The following PPP1R26 variants were observed in gnomAD, a reference collection of about 807,000 sequenced individuals.
PPP1R26 encodes the protein 1A6/DRIM (down-regulated in metastasis) interacting protein.
Under a neutral mutation model 67.6 loss-of-function variants are expected in PPP1R26, and 22 were observed. The ratio of observed to expected loss-of-function variants is 0.33; its 90% CI spans 0.23 to 0.46. The LOEUF (loss-of-function observed/expected upper bound fraction) is 0.46. PPP1R26 is among the 20% of genes least tolerant of loss of function. The pLI, the probability that PPP1R26 is intolerant of heterozygous loss-of-function variation, is 1.00. For synonymous variants in PPP1R26, 729 were observed against 717.2 expected (o/e 1.02, Z -0.26); for missense variants, 1,602 against 1,651.4 (o/e 0.97, Z 0.52).
At position 135,486,535 on chromosome 9, in the gene PPP1R26, C is replaced by T. The variant is rs766448812; in HGVS notation, c.2025C>T (p.Asp675=). The T allele has an allele frequency of 2.9e-5, 47 of 1,612,272 alleles. No individual in the cohort carries two copies. Among genetic ancestry groups the T allele is most frequent in the South Asian group, 7.7e-5 (7 of 91,018 alleles). ...AGACAGACGAGGCAAGGCGCCTAGA[C>T]GAGAAAGAGAGCTCTGAAGACAAAA... ...QGKTDEARRL[D]EKESSEDKSS... The change falls in exon 4 of 4, where the codon GAC becomes GAT. Residue 675 remains aspartate, a synonymous_variant. Coordinates refer to ENST00000356818, the MANE Select transcript of PPP1R26 (RefSeq NM_014811.5). The surrounding 1 kb of genome is among the most constrained non-coding windows in gnomAD (Gnocchi z 6.2).
In PPP1R26 at chr9:135,487,203, T is replaced by C; in HGVS notation, c.2693T>C (p.Val898Ala). 1 of 1,599,890 alleles carries C rather than the reference T, an allele frequency of 6.3e-7. No individual in the cohort carries two copies. The highest frequency in any genetic ancestry group is 8.5e-7 in the Non-Finnish European group (1 of 1,174,862). ...ACACGCAGCCAGAGGGCCAGGGGGGTCCCACATCTGGCCGAAGGGCTTCGA... is the reference window on the plus strand; with the variant it reads ...ACACGCAGCCAGAGGGCCAGGGGGGCCCCACATCTGGCCGAAGGGCTTCGA... ...VCTRSQRARG[V>A]PHLAEGLRGT... is the part of the protein sequence containing the mutation. The change falls in exon 4 of 4, where the codon GTC becomes GCC. Residue 898 changes from valine to alanine, a missense_variant. This residue lies in a region of PPP1R26 where 740 missense variants were observed against 696.3 expected (regional missense o/e 1.06). Transcript: ENST00000356818.
chr9:135,487,582 A>G lies in PPP1R26; in HGVS notation c.3072A>G (p.Thr1024=), dbSNP rs1318359268. 2 of 1,526,666 alleles carry G rather than the reference A, an allele frequency of 1.3e-6. No homozygotes were observed. Among genetic ancestry groups the G allele is most frequent in the African/African-American group, 1.4e-5 (1 of 72,324 alleles). 94.6% of individuals were successfully genotyped at this position (1,526,666 alleles called of 1,614,324 possible). ...ACGCTGGAGCCCAGGCCGACCGCAC[A>G]CCGCCCTGGAGCGACTTCGCCCACC... ...ERDAGAQADR[T]PPWSDFAHQS... is the part of the protein sequence containing the mutation. Residue 1024 remains threonine (T), a synonymous_variant, in exon 4 of 4, where the codon ACA becomes ACG. Coordinates refer to ENST00000356818, the MANE Select transcript of PPP1R26 (RefSeq NM_014811.5).
At chr9:135,479,538 C>T (rs1830435894), upstream of PPP1R26, 3 of 146,838 alleles carry the variant, frequency 2.0e-5, no homozygotes, top group Admixed American at 2.0e-4. The surrounding 1 kb of genome is among the most constrained non-coding windows in gnomAD (Gnocchi z 5.9). Flanking sequence ...CGGAGGGGGC[C>T]GCGTCCGAAC....
chr9:135,481,236 G>GTT lies in PPP1R26; in HGVS notation c.-329+1235_-329+1236dup, dbSNP rs35101439. ...AAGGACTGATTAGGGGGCTTTTCTT[G>GTT]TTTTTTTTTTTTTTTTTTTTTTAGA... On this transcript the variant is annotated intron_variant, in intron 1 of 3. Transcript: ENST00000356818. Among the ~76,000 whole-genome samples the GTT allele has an allele frequency of 6.2e-3, 753 of 121,682 alleles. 8 individuals are homozygous for GTT. The highest frequency in any genetic ancestry group is 0.013 in the East Asian group (52 of 4,050). The allele number at this position is 121,682 out of a possible 152,430, so 79.8% of individuals were successfully genotyped here.
chr9:135,487,705 C>T lies in PPP1R26; in HGVS notation c.3195C>T (p.Gly1065=), dbSNP rs762563733. ...VGSERDKGSE[G]PARGLPSLPL... ...GCGAGAGAGACAAGGGGTCCGAGGG[C>T]CCCGCCCGGGGCCTGCCCAGCCTGC... Residue 1065 remains glycine, a synonymous_variant, in exon 4 of 4, where the codon GGC becomes GGT. Transcript: ENST00000356818. 170 of 1,450,646 alleles carry T rather than the reference C, an allele frequency of 1.2e-4. No individual in the cohort carries two copies. The highest frequency in any genetic ancestry group is 1.7e-4 in the Admixed American group (6 of 34,748). The allele number at this position is 1,450,646 out of a possible 1,614,324, so 89.9% of individuals were successfully genotyped here.
Position 135,484,094 on chromosome 9 carries a change from C to G in PPP1R26, c.-63+12C>G, listed in dbSNP as rs1830615785. On this transcript the variant is annotated intron_variant, in intron 3 of 3. Coordinates refer to ENST00000356818, the MANE Select transcript of PPP1R26 (RefSeq NM_014811.5). ...TGCCAACTTTGGAGGTAAATAAAACCTCTCCCCTCTTACAGAGAAGGTGGA... is the reference window on the plus strand; with the variant it reads ...TGCCAACTTTGGAGGTAAATAAAACGTCTCCCCTCTTACAGAGAAGGTGGA... 1 of 409,930 alleles carries G rather than the reference C, an allele frequency of 2.4e-6. No individual in the cohort carries two copies. The highest frequency in any genetic ancestry group is 2.0e-5 in the African/African-American group (1 of 48,876). 25.4% of individuals were successfully genotyped at this position (409,930 alleles called of 1,614,324 possible).
chr9:135,487,699 C>T lies in PPP1R26; in HGVS notation c.3189C>T (p.Ser1063=), dbSNP rs779905125. The T allele has an allele frequency of 1.4e-5, 20 of 1,450,584 alleles. No individual in the cohort carries two copies. Among genetic ancestry groups the T allele is most frequent in the East Asian group, 7.4e-5 (3 of 40,290 alleles). 89.9% of individuals were successfully genotyped at this position (1,450,584 alleles called of 1,614,324 possible). Residue 1063 remains serine (S), a synonymous_variant, in exon 4 of 4, where the codon TCC becomes TCT. Transcript: ENST00000356818. Reference sequence around the variant, plus strand: ...TCGGGAGCGAGAGAGACAAGGGGTCCGAGGGCCCCGCCCGGGGCCTGCCCA... The same window carrying T: ...TCGGGAGCGAGAGAGACAAGGGGTCTGAGGGCCCCGCCCGGGGCCTGCCCA... ...GGVGSERDKG[S]EGPARGLPSL...
Position 135,486,933 on chromosome 9 carries a change from A to T in PPP1R26, c.2423A>T (p.Asn808Ile). ...RPASASASEG[N>I]PFPRESQGPA... ...GCCTCCGCCTCTGCCTCCGAAGGGA[A>T]TCCATTCCCCAGGGAGTCCCAGGGC... is the stretch of plus-strand genomic sequence containing the variant. The change falls in exon 4 of 4, where the codon AAT becomes ATT. Residue 808 changes from asparagine to isoleucine, a missense_variant. By Grantham distance (149) the Asn-to-Ile change is moderately radical (BLOSUM62 -3). Transcript: ENST00000356818. The surrounding 1 kb of genome is among the most constrained non-coding windows in gnomAD (Gnocchi z 6.2). The T allele has an allele frequency of 6.2e-7, 1 of 1,613,002 alleles. No homozygotes were observed. Among genetic ancestry groups the T allele is most frequent in the South Asian group, 1.1e-5 (1 of 91,084 alleles).
chr9:135,479,549 CGGGCG>C (rs1015530386), upstream of PPP1R26: 4 of 146,450 alleles, frequency 2.7e-5, no homozygotes, highest in South Asian at 2.0e-4. The surrounding 1 kb of genome is among the most constrained non-coding windows in gnomAD (Gnocchi z 5.9). Context: ...GCGTCCGAAC[CGGGCG>C]GGGCGGGGCG....
At position 135,479,885 on chromosome 9, in the gene PPP1R26, C is replaced by G. The variant is rs1830448137; in HGVS notation, c.-466C>G. On this transcript the variant is annotated 5_prime_UTR_variant, in exon 1 of 4. Transcript: ENST00000356818. This position sits in a 1 kb window ranked among gnomAD's most constrained non-coding sequence, Gnocchi z 5.9. ...GGGCCCGGCCGGACGCCCCTGCGCC[C>G]CCTCCCCGCGCCCCGGCCGAGGGCG... 6.9e-6 allele frequency: 1 copy of G among 144,126 alleles called. No individual in the cohort carries two copies. Among genetic ancestry groups the G allele is most frequent in the African/African-American group, 2.5e-5 (1 of 40,286 alleles). The allele number at this position is 144,126 out of a possible 1,614,324, so 8.9% of individuals were successfully genotyped here.
chr9:135,483,798 A>T (rs1048045970), intron 2 of PPP1R26, among the ~76,000 whole-genome samples, 152 bp from the exon 3 acceptor site: 4 of 152,212 alleles, frequency 2.6e-5, no homozygotes, highest in East Asian at 3.8e-4. Flanking sequence ...CTTCTGTGCT[A>T]GTTAGCTAAG....
chr9:135,484,569 G>A lies in PPP1R26; in HGVS notation c.59G>A (p.Gly20Asp), dbSNP rs1830636042. The change falls in exon 4 of 4, where the codon GGC becomes GAC. Residue 20 changes from glycine to aspartate, a missense_variant. By Grantham distance (94) the Gly-to-Asp change is moderately conservative. Coordinates refer to ENST00000356818, the MANE Select transcript of PPP1R26 (RefSeq NM_014811.5). The stretch of plus-strand genomic sequence containing the variant: ...CTCCAGTCCAAATGGGAGGCCTTTG[G>A]CCCGCCAGGGAGCTGTAGGTTCCCC... ...VALQSKWEAF[G>D]PPGSCRFPRC... is the part of the protein sequence containing the mutation. 6.2e-7 allele frequency: 1 copy of A among 1,612,024 alleles called. No individual in the cohort carries two copies. Among genetic ancestry groups the A allele is most frequent in the East Asian group, 2.2e-5 (1 of 44,860 alleles).
At position 135,487,744 on chromosome 9, in the gene PPP1R26, C is replaced by T; in HGVS notation, c.3234C>T (p.Phe1078=). 2.7e-6 allele frequency: 4 copies of T among 1,463,546 alleles called. No homozygotes were observed. Among genetic ancestry groups the T allele is most frequent in the Non-Finnish European group, 3.6e-6 (4 of 1,108,094 alleles). The allele number at this position is 1,463,546 out of a possible 1,614,324, so 90.7% of individuals were successfully genotyped here. The part of the protein sequence containing the change: ...RGLPSLPLAG[F]SPLLSTQLFH... ...TGCCCAGCCTGCCCCTTGCGGGCTTCTCGCCGCTGCTGTCCACCCAGCTCT... is the reference window on the plus strand; with the variant it reads ...TGCCCAGCCTGCCCCTTGCGGGCTTTTCGCCGCTGCTGTCCACCCAGCTCT... The change falls in exon 4 of 4, where the codon TTC becomes TTT. Residue 1078 remains phenylalanine (F), a synonymous_variant. Transcript: ENST00000356818.
At position 135,487,542 on chromosome 9, in the gene PPP1R26, C is replaced by T. The variant is rs770647575; in HGVS notation, c.3032C>T (p.Pro1011Leu). 1.4e-5 allele frequency: 22 copies of T among 1,584,036 alleles called. No homozygotes were observed. Among genetic ancestry groups the T allele is most frequent in the African/African-American group, 5.4e-5 (4 of 74,076 alleles). ...AGCCCGAGCTTCCTGACCCCCAGCC[C>T]GGGAGCGGAGAGGGACGCTGGAGCC... ...CGSPSFLTPS[P>L]GAERDAGAQA... The change falls in exon 4 of 4, where the codon CCG becomes CTG. Residue 1011 changes from proline (P) to leucine (L), a missense_variant. Around this residue, in one of 5 missense-constraint regions of PPP1R26, gnomAD observed 740 missense variants for 696.3 expected, o/e 1.06. Coordinates refer to ENST00000356818, the MANE Select transcript of PPP1R26 (RefSeq NM_014811.5).
intron 2 of PPP1R26, 64 bp downstream of exon 2, chr9:135,482,879 GACTT>G (rs1382644133): frequency 7.6e-6 from 3 of 394,054 alleles, no homozygotes; most frequent in African/African-American, 4.1e-5. Flanking sequence ...GCTAGCAAAT[GACTT>G]ACTTCTGAAT....
intron 1 of PPP1R26, 192 bp downstream of exon 1, chr9:135,480,214 C>T (rs1045245226): frequency 6.6e-6 from 1 of 151,644 alleles, no homozygotes; most frequent in Non-Finnish European, 1.5e-5. Context: ...GATCCTGTCT[C>T]TGGCCTCCGT....
rs1028208104 is a variant in PPP1R26, at chr9:135,485,709, C to G, written c.1199C>G (p.Pro400Arg). ...QRVQLREERAPDPPAHSTSSA... is the reference protein window; with the variant it reads ...QRVQLREERARDPPAHSTSSA... ...GTCCAACTCCGAGAGGAGAGAGCGCCTGACCCTCCCGCACACAGCACAAGC... is the reference window on the plus strand; with the variant it reads ...GTCCAACTCCGAGAGGAGAGAGCGCGTGACCCTCCCGCACACAGCACAAGC... The change falls in exon 4 of 4, where the codon CCT (proline) becomes CGT (arginine). Residue 400 changes from proline to arginine, a missense_variant. Pro to Arg is a moderately radical substitution (Grantham distance 103). This residue lies in a region of PPP1R26 where 680 missense variants were observed against 726.1 expected (regional missense o/e 0.94). Coordinates refer to ENST00000356818, the MANE Select transcript of PPP1R26 (RefSeq NM_014811.5). The surrounding 1 kb of genome is among the most constrained non-coding windows in gnomAD (Gnocchi z 7.2). 2.5e-6 allele frequency: 4 copies of G among 1,610,220 alleles called. No homozygotes were observed. The African/African-American group carries it at 4.0e-5, about 16-fold the overall frequency.
Position 135,485,651 on chromosome 9 carries a change from C to T in PPP1R26, c.1141C>T (p.Arg381Cys), listed in dbSNP as rs142802869. ...AIQLYQLQKTRKEADGDLPQR... is the reference protein window; with the variant it reads ...AIQLYQLQKTCKEADGDLPQR... The stretch of plus-strand genomic sequence containing the variant: ...CCAGCTGTACCAGCTGCAGAAAACA[C>T]GCAAGGAGGCCGACGGGGACCTGCC... The change falls in exon 4 of 4, where the codon CGC (arginine) becomes TGC (cysteine). Residue 381 changes from arginine (R) to cysteine (C), a missense_variant. Around this residue, in one of 5 missense-constraint regions of PPP1R26, gnomAD observed 680 missense variants for 726.1 expected, o/e 0.94. Coordinates refer to ENST00000356818, the MANE Select transcript of PPP1R26 (RefSeq NM_014811.5). The surrounding 1 kb of genome is among the most constrained non-coding windows in gnomAD (Gnocchi z 7.2). 360 of 1,612,644 alleles carry T rather than the reference C, an allele frequency of 2.2e-4. 1 individual carries two copies. The East Asian group carries it at 7.4e-3, about 33-fold the overall frequency.
chr9:135,488,495 C>G lies in PPP1R26; in HGVS notation c.*355C>G, dbSNP rs1830850507. ...AGCCAGGTTCACAGAGGCTCTGATGCTTTTTGGTTGATTGCTGGTGAGAAT... is the reference window on the plus strand; with the variant it reads ...AGCCAGGTTCACAGAGGCTCTGATGGTTTTTGGTTGATTGCTGGTGAGAAT... On this transcript the variant is annotated 3_prime_UTR_variant, in exon 4 of 4. Transcript: ENST00000356818. 1 of 183,330 alleles carries G rather than the reference C, an allele frequency of 5.5e-6. No individual in the cohort carries two copies. The highest frequency in any genetic ancestry group is 2.0e-4 in the South Asian group (1 of 5,020). 11.4% of individuals were successfully genotyped at this position (183,330 alleles called of 1,614,324 possible).
Sources: gnomAD v4.1 joint callset for allele counts (sites outside exome capture counted in the v4.1 genomes callset) on GRCh38, gnomAD v4.1.1 for gene constraint, gnomAD v4.1.1 regional missense constraint, Gnocchi (gnomAD v3.1) non-coding constraint, MANE v1.5 for transcripts, NCBI Gene and HGNC (gene_info 2026-07-23, HGNC 2026-07-21) for gene names.